Variants in CNTNAP5 observed in about 807,000 individuals in gnomAD.
CNTNAP5 encodes the protein contactin associated protein family member 5.
In CNTNAP5, 72 loss-of-function variants were observed where a neutral mutation model predicts 150.2. The ratio of observed to expected loss-of-function variants is 0.48; its 90% CI spans 0.40 to 0.58. The LOEUF (loss-of-function observed/expected upper bound fraction) is 0.58. Among genes scored for constraint, CNTNAP5 ranks in the 20% least tolerant of loss-of-function variants. CNTNAP5 has a pLI of 0.00. For missense variants in CNTNAP5, 1,636 were observed against 1,626.2 expected (o/e 1.01, Z -0.10); for synonymous variants, 672 against 619.8 (o/e 1.08, Z -1.25).
intron 13 of CNTNAP5, among the ~76,000 whole-genome samples, chr2:124,663,200 C>T (rs1234456373): frequency 6.6e-6 from 1 of 152,130 alleles, no homozygotes; most frequent in Admixed American, 6.6e-5. Flanking sequence ...GGTTAAATCC[C>T]GCTGCATGGA....
rs1276354913 is a variant in CNTNAP5 at position 124,741,526 on chromosome 2, A to G, written c.2078-5703A>G. 2.6e-5 allele frequency among the ~76,000 whole-genome samples: 4 copies of G among 152,228 alleles called. No homozygotes were observed. The South Asian group carries it at 6.2e-4, about 24-fold the overall frequency. On this transcript the variant is annotated intron_variant, in intron 13 of 23. Coordinates refer to ENST00000682447, the MANE Select transcript of CNTNAP5 (RefSeq NM_001367498.1). ...TGAATTCTCTTCAATTTCTTACAAT[A>G]TAAAAATCATCATTTGAACTAATCA...
chr2:124,869,159 A>T (rs1407844708), intron 20 of CNTNAP5, among the ~76,000 whole-genome samples: 1 of 152,106 alleles, frequency 6.6e-6, no homozygotes, highest in Non-Finnish European at 1.5e-5. Context: ...CCTCCCCAGG[A>T]CCACATGTTT....
chr2:124,695,583 T>C (rs889249444), intron 13 of CNTNAP5, among the ~76,000 whole-genome samples: 1 of 152,166 alleles, frequency 6.6e-6, no homozygotes, highest in Non-Finnish European at 1.5e-5. Context: ...TCAGACATTT[T>C]CATATCATTT....
intron 21 of CNTNAP5, among the ~76,000 whole-genome samples, chr2:124,894,369 T>C (rs1374267898): frequency 6.6e-6 from 1 of 151,396 alleles, no homozygotes; most frequent in Non-Finnish European, 1.5e-5. Context: ...ACCCTTGTCT[T>C]GCTCATTTCC....
intron 6 of CNTNAP5, among the ~76,000 whole-genome samples, chr2:124,466,036 C>T (rs1247182267): frequency 6.6e-6 from 1 of 152,108 alleles, no homozygotes; most frequent in Non-Finnish European, 1.5e-5. Context: ...GTATTGATCT[C>T]TTTTACCTAC....
chr2:124,668,157 C>A (rs1426634575), intron 13 of CNTNAP5, among the ~76,000 whole-genome samples: 1 of 152,186 alleles, frequency 6.6e-6, no homozygotes, highest in African/African-American at 2.4e-5. Flanking sequence ...TGGCCTGTTT[C>A]AATTTATACA....
chr2:124,737,589 G>A (rs1323347092), intron 13 of CNTNAP5, among the ~76,000 whole-genome samples: 1 of 152,168 alleles, frequency 6.6e-6, no homozygotes, highest in Non-Finnish European at 1.5e-5. Context: ...GCGAGAAGGT[G>A]GGATTTGTTT....
intron 16 of CNTNAP5, among the ~76,000 whole-genome samples, chr2:124,769,802 C>T (rs891723199): frequency 6.6e-6 from 1 of 152,168 alleles, no homozygotes; most frequent in African/African-American, 2.4e-5. Context: ...CATCCAGACT[C>T]TGCCCCACCC....
intron 3 of CNTNAP5, among the ~76,000 whole-genome samples, chr2:124,405,461 G>T (rs779406819): frequency 3.6e-4 from 55 of 152,200 alleles, no homozygotes; most frequent in Non-Finnish European, 5.6e-4. Flanking sequence ...ACTTATATAT[G>T]CAGGTGATTA....
intron 17 of CNTNAP5, among the ~76,000 whole-genome samples, chr2:124,779,481 A>G (rs138357474): frequency 1.8e-4 from 28 of 152,310 alleles, no homozygotes; most frequent in Non-Finnish European, 3.4e-4. Context: ...CCTGAGAATC[A>G]GGTATATTTT....
chr2:124,589,360 C>T (rs1333945602), intron 11 of CNTNAP5, among the ~76,000 whole-genome samples: 3 of 152,178 alleles, frequency 2.0e-5, no homozygotes, highest in African/African-American at 7.2e-5. Flanking sequence ...TAGCATGTCT[C>T]ATTCCTTTTC....
At chr2:124,806,905 CT>C (rs774914113) in intron 19 of CNTNAP5, among the ~76,000 whole-genome samples, 1 of 123,420 alleles carries the variant, frequency 8.1e-6, no homozygotes. Context: ...ACTGAACTAC[CT>C]TTATTTTACT....
chr2:124,520,475 G>A (rs766697582), intron 8 of CNTNAP5, among the ~76,000 whole-genome samples: 25 of 152,140 alleles, frequency 1.6e-4, no homozygotes, highest in Admixed American at 8.5e-4. Flanking sequence ...AGGCTGCCAC[G>A]AACAACATAT....
intron 3 of CNTNAP5, among the ~76,000 whole-genome samples, chr2:124,411,163 TC>T (rs2104769678): frequency 6.6e-6 from 1 of 152,240 alleles, no homozygotes; most frequent in South Asian, 2.1e-4. Context: ...ACATACACTC[TC>T]CCAAGTCTAA....
At position 124,286,956 on chromosome 2, in the gene CNTNAP5, C is replaced by A. The variant is rs555561342; in HGVS notation, c.381+44563C>A. ...TTTAATACCCACAGGGACCAGTTAG[C>A]TTTTCTGTGCCCTGAACCCAAGTCT... On this transcript the variant is annotated intron_variant, in intron 3 of 23. Coordinates refer to ENST00000682447, the MANE Select transcript of CNTNAP5 (RefSeq NM_001367498.1). 3.9e-5 allele frequency among the ~76,000 whole-genome samples: 6 copies of A among 152,296 alleles called. No individual in the cohort carries two copies. The East Asian group carries it at 1.2e-3, about 29-fold the overall frequency.
intron 3 of CNTNAP5, among the ~76,000 whole-genome samples, chr2:124,327,467 A>C (rs554905817): frequency 2.0e-5 from 3 of 152,100 alleles, no homozygotes; most frequent in Non-Finnish European, 4.4e-5. Flanking sequence ...TGGGGTTTTG[A>C]CATTATACCC....
chr2:124,861,150 T>C (rs1677516217), intron 19 of CNTNAP5, among the ~76,000 whole-genome samples: 1 of 152,046 alleles, frequency 6.6e-6, no homozygotes, highest in Non-Finnish European at 1.5e-5. Context: ...AAAGGGATCT[T>C]ATCAGGGTGT....
chr2:124,245,412 C>T (rs1341668213), intron 3 of CNTNAP5, among the ~76,000 whole-genome samples: 2 of 151,912 alleles, frequency 1.3e-5, no homozygotes, highest in African/African-American at 4.8e-5. Context: ...ACTCTGGGTC[C>T]ACCAAAACTA....
chr2:124,117,724 G>A (rs572189607), intron 1 of CNTNAP5, among the ~76,000 whole-genome samples: 14 of 152,244 alleles, frequency 9.2e-5, no homozygotes, highest in African/African-American at 2.2e-4. Context: ...ACTCAAGCAC[G>A]AAATTGATTA....
Sources: gnomAD v4.1 joint callset for allele counts (sites outside exome capture counted in the v4.1 genomes callset) on GRCh38, gnomAD v4.1.1 for gene constraint, MANE v1.5 for transcripts, NCBI Gene and HGNC (gene_info 2026-07-23, HGNC 2026-07-21) for gene names.